MORF4L1: variants seen among roughly 807,000 people sequenced by gnomAD.
The protein encoded by MORF4L1 is mortality factor 4-like protein 1.
MORF4L1 carries 4 observed loss-of-function variants against 52.9 expected under a neutral mutation model. The ratio of observed to expected loss-of-function variants is 0.08; its 90% CI spans 0.04 to 0.17. The LOEUF is 0.17. MORF4L1 is among the 10% of genes least tolerant of loss of function. MORF4L1 has a pLI of 1.00. For missense variants in MORF4L1, 214 were observed against 390.4 expected (o/e 0.55, Z 3.81); for synonymous variants, 123 against 134.8 (o/e 0.91, Z 0.61).
chr15:78,887,854 C>G (rs1205755258), intron 5 of MORF4L1, among the ~76,000 whole-genome samples: 1 of 152,200 alleles, frequency 6.6e-6, no homozygotes, highest in African/African-American at 2.4e-5. Context: ...TCTGTGCTCA[C>G]TGCAACCTCT....
At chr15:78,873,958 G>C (rs1441675881) in intron 1 of MORF4L1, 2 of 152,248 alleles carry the variant, frequency 1.3e-5, no homozygotes, top group Non-Finnish European at 2.9e-5. Flanking sequence ...TTTAAATGCA[G>C]TAATTGTTTG....
chr15:78,879,921 A>C (rs764973937), intron 2 of MORF4L1, among the ~76,000 whole-genome samples: 1 of 152,246 alleles, frequency 6.6e-6, no homozygotes, highest in Non-Finnish European at 1.5e-5. Flanking sequence ...AATTGAAGCT[A>C]TTGAAACAAA....
chr15:78,891,742 C>T (rs955259439), intron 7 of MORF4L1, 170 bp downstream of exon 7: 19 of 560,210 alleles, frequency 3.4e-5, no homozygotes, highest in Non-Finnish European at 6.3e-6. Context: ...ATCTTTATTT[C>T]ACCTGTAGCT....
In MORF4L1 at chr15:78,890,991, A is replaced by C. The variant is rs2056791442; in HGVS notation, c.326A>C (p.Lys109Thr). ...TTCTTTTTTTTCTCTCCTTTTAGGA[A>C]AACGAAAAAGAACAAACAGAAAAGT... ...SGLQQKNVEV[K>T]TKKNKQKTPG... Residue 109 changes from lysine to threonine, a missense_variant and splice_region_variant, in exon 6 of 12, where the codon AAA becomes ACA. Physicochemically the swap from Lys to Thr is moderately conservative, Grantham distance 78. Coordinates refer to ENST00000426013, the MANE Select transcript of MORF4L1 (RefSeq NM_006791.4). The C allele has an allele frequency of 1.4e-6, 2 of 1,463,280 alleles. No individual in the cohort carries two copies. Among genetic ancestry groups the C allele is most frequent in the Non-Finnish European group, 1.8e-6 (2 of 1,088,828 alleles). 90.6% of individuals were successfully genotyped at this position (1,463,280 alleles called of 1,614,324 possible).
At chr15:78,896,030 G>T (rs1265390923) in intron 11 of MORF4L1, among the ~76,000 whole-genome samples, 1 of 152,036 alleles carries the variant, frequency 6.6e-6, no homozygotes, top group Non-Finnish European at 1.5e-5. Flanking sequence ...CCAGGCTGGA[G>T]TGCAGTGATG....
At chr15:78,873,176 C>T (rs1205686720) in intron 1 of MORF4L1, 119 bp downstream of exon 1, 4 of 1,529,968 alleles carry the variant, frequency 2.6e-6, no homozygotes, top group East Asian at 2.5e-5. Flanking sequence ...AGGCGGCGGT[C>T]AGTGCTTTGT....
At chr15:78,876,769 T>C (rs1184950393) in intron 1 of MORF4L1, among the ~76,000 whole-genome samples, 1 of 152,196 alleles carries the variant, frequency 6.6e-6, no homozygotes, top group Non-Finnish European at 1.5e-5. Flanking sequence ...AATTCAGAAA[T>C]GCTATTCGTA....
intron 2 of MORF4L1, among the ~76,000 whole-genome samples, chr15:78,879,247 A>G (rs536499693): frequency 1.5e-4 from 22 of 151,230 alleles, no homozygotes; most frequent in Admixed American, 6.6e-4. Context: ...CCCCCAAGAC[A>G]GTATTGCTCT....
intron 3 of MORF4L1, among the ~76,000 whole-genome samples, chr15:78,885,300 A>G (rs113939313): frequency 5.3e-5 from 8 of 152,346 alleles, no homozygotes; most frequent in African/African-American, 1.9e-4. Flanking sequence ...CTGCTCAAAA[A>G]AAGTTAGCAT....
intron 3 of MORF4L1, among the ~76,000 whole-genome samples, chr15:78,883,585 C>T (rs776037136): frequency 6.6e-6 from 1 of 151,818 alleles, no homozygotes; most frequent in Non-Finnish European, 1.5e-5. Flanking sequence ...TTTTTTTGTT[C>T]TCAACTAATT....
At chr15:78,879,593 A>G (rs1218090490) in intron 2 of MORF4L1, among the ~76,000 whole-genome samples, 2 of 152,256 alleles carry the variant, frequency 1.3e-5, no homozygotes, top group Non-Finnish European at 2.9e-5. Flanking sequence ...ATTTCTAAGT[A>G]TATGTATACG....
At chr15:78,881,368 T>C (rs2056600800) in intron 3 of MORF4L1, among the ~76,000 whole-genome samples, 1 of 151,878 alleles carries the variant, frequency 6.6e-6, no homozygotes, top group African/African-American at 2.4e-5. Context: ...GCTAATTTTT[T>C]GTATTTTTAG....
intron 1 of MORF4L1, among the ~76,000 whole-genome samples, chr15:78,877,096 A>G (rs2056507285): frequency 7.0e-6 from 1 of 142,848 alleles, no homozygotes; most frequent in Non-Finnish European, 1.5e-5. Flanking sequence ...GAAGGTGCAC[A>G]TCACCACGCC....
intron 1 of MORF4L1, among the ~76,000 whole-genome samples, chr15:78,876,231 C>T (rs1011826775): frequency 4.6e-5 from 7 of 151,370 alleles, no homozygotes; most frequent in Non-Finnish European, 1.0e-4. Context: ...CCACCGCGCC[C>T]GGCCGAGAAA....
chr15:78,896,331 T>G (rs1437954447), intron 11 of MORF4L1, among the ~76,000 whole-genome samples: 5 of 105,480 alleles, frequency 4.7e-5, no homozygotes, highest in African/African-American at 8.3e-5. Context: ...TTTTTTTTTT[T>G]GAGATGGAGT....
At chr15:78,874,687 C>T (rs1429293351) in intron 1 of MORF4L1, among the ~76,000 whole-genome samples, 1 of 149,298 alleles carries the variant, frequency 6.7e-6, no homozygotes, top group Non-Finnish European at 1.5e-5. Flanking sequence ...CTCGGCCTCC[C>T]AAAGTTGTGG....
At chr15:78,887,396 T>A in intron 5 of MORF4L1, 47 bp downstream of exon 5, 3 of 1,481,980 alleles carry the variant, frequency 2.0e-6, no homozygotes, top group Non-Finnish European at 2.8e-6. Context: ...GTGAAGATAA[T>A]ATTTTATGTT....
chr15:78,884,840 T>C, intron 3 of MORF4L1: 1 of 532,836 alleles, frequency 1.9e-6, no homozygotes, highest in Non-Finnish European at 3.2e-6. Context: ...TTTCTAAATT[T>C]TCAAACCTCA....
chr15:78,897,063 T>C lies in MORF4L1; in HGVS notation c.968T>C (p.Val323Ala). 1.2e-6 allele frequency: 2 copies of C among 1,610,068 alleles called. No individual in the cohort carries two copies. Among genetic ancestry groups the C allele is most frequent in the East Asian group, 2.2e-5 (1 of 44,814 alleles). ...CCTCCTGAGTACCATCGGAAAGCTG[T>C]GTGAGAGGCACTCTCACTCACTTAT... is the stretch of plus-strand genomic sequence containing the variant. ...VAPPEYHRKA[V>A] Residue 323 changes from valine (V) to alanine (A), a missense_variant, in exon 12 of 12, where the codon GTG becomes GCG. Physicochemically the swap from Val to Ala is moderately conservative, Grantham distance 64 (BLOSUM62 0). Around this residue, in one of 5 missense-constraint regions of MORF4L1, gnomAD observed 30 missense variants for 34.6 expected, o/e 0.87. Coordinates refer to ENST00000426013, the MANE Select transcript of MORF4L1 (RefSeq NM_006791.4).
Sources: gnomAD v4.1 joint callset for allele counts (sites outside exome capture counted in the v4.1 genomes callset) on GRCh38, gnomAD v4.1.1 for gene constraint, gnomAD v4.1.1 regional missense constraint, MANE v1.5 for transcripts, NCBI Gene and HGNC (gene_info 2026-07-23, HGNC 2026-07-21) for gene names.